Variants in FANCL observed in about 807,000 individuals in gnomAD.
FANCL encodes FA complementation group L, also known as E3 ubiquitin-protein ligase FANCL.
FANCL carries 69 observed loss-of-function variants against 59.4 expected under a neutral mutation model. The ratio of observed to expected loss-of-function variants is 1.16; its 90% confidence interval spans 0.96 to 1.42. The LOEUF is 1.42. Ranked by LOEUF, FANCL falls within the 40% of genes most tolerant of loss-of-function variation. The probability of loss-of-function intolerance (pLI) is 0.00; values close to 1 mark genes in which losing one functional copy is unlikely to be tolerated. For missense variants in FANCL, 519 were observed against 447.2 expected (o/e 1.16, Z -1.45); for synonymous variants, 180 against 147.1 (o/e 1.22, Z -1.62).
chr2:58,205,972 C>A (rs922840783), intron 5 of FANCL, among the ~76,000 whole-genome samples: 6 of 152,040 alleles, frequency 3.9e-5, no homozygotes, highest in Non-Finnish European at 7.4e-5. Flanking sequence ...TTACTAGTTA[C>A]AATTTTTAGA....
chr2:58,204,217 A>G lies in FANCL; in HGVS notation c.384T>C (p.Tyr128=), dbSNP rs1245585990. The G allele has an allele frequency of 2.5e-6, 4 of 1,612,928 alleles. No homozygotes were observed. The highest frequency in any genetic ancestry group is 1.3e-5 in the African/African-American group (1 of 75,012). ...TGATGGTACTGAAGCAGGTATCCGC[A>G]TACACAAGTCTGGTGAGCAGAGGAG... ...IGTLGWDKLV[Y]ADTCFSTIKL... The change falls in exon 6 of 14, where the codon TAT becomes TAC. Residue 128 remains tyrosine, a synonymous_variant. Transcript: ENST00000233741.
At chr2:58,184,605 T>C (rs1288063730) in intron 7 of FANCL, among the ~76,000 whole-genome samples, 1 of 151,926 alleles carries the variant, frequency 6.6e-6, no homozygotes, top group East Asian at 1.9e-4. Flanking sequence ...TGAATAAAAA[T>C]ATAAGAGAAA....
chr2:58,203,971 G>A (rs1431490529), intron 6 of FANCL, among the ~76,000 whole-genome samples, 159 bp downstream of exon 6: 2 of 152,070 alleles, frequency 1.3e-5, no homozygotes, highest in African/African-American at 4.8e-5. Context: ...TTTTGGAAAC[G>A]TGGTGAATAA....
chr2:58,207,646 C>T (rs562616425), intron 5 of FANCL, among the ~76,000 whole-genome samples: 2 of 151,982 alleles, frequency 1.3e-5, no homozygotes, highest in Non-Finnish European at 2.9e-5. Context: ...CTAATAGAGA[C>T]TATTTGTATC....
chr2:58,220,647 T>C (rs1692382362), intron 5 of FANCL, among the ~76,000 whole-genome samples: 1 of 152,240 alleles, frequency 6.6e-6, no homozygotes, highest in African/African-American at 2.4e-5. Context: ...ACATATATTC[T>C]GCACTTAAGA....
rs1426645215 is a variant in FANCL at position 58,173,665 on chromosome 2, C to A, written c.541-7791G>T. ...TAAACATGGAAAGGAACAACCGGTA[C>A]CAGCCGCTGCAAAATCATGCCAAAT... On this transcript the variant is annotated intron_variant, in intron 7 of 13. Coordinates refer to ENST00000233741, the MANE Select transcript of FANCL (RefSeq NM_018062.4). 2.0e-5 allele frequency among the ~76,000 whole-genome samples: 3 copies of A among 152,126 alleles called. No individual in the cohort carries two copies. In the East Asian group the frequency reaches 5.8e-4, roughly 29 times the overall value.
chr2:58,170,927 G>A (rs1686537805), intron 7 of FANCL, among the ~76,000 whole-genome samples: 1 of 152,084 alleles, frequency 6.6e-6, no homozygotes, highest in South Asian at 2.1e-4. Context: ...ATAATAGTGG[G>A]AGACTGTAAC....
chr2:58,166,716 A>ATAAC (rs2104825572), intron 7 of FANCL, among the ~76,000 whole-genome samples: 1 of 152,368 alleles, frequency 6.6e-6, no homozygotes, highest in East Asian at 1.9e-4. Context: ...TCAATCTGAA[A>ATAAC]TAACTGGCCA....
At chr2:58,173,007 C>T (rs1004777873) in intron 7 of FANCL, among the ~76,000 whole-genome samples, 2 of 152,090 alleles carry the variant, frequency 1.3e-5, no homozygotes, top group East Asian at 1.9e-4. Context: ...CCTCAGGAGC[C>T]GATGCGATCA....
intron 1 of FANCL, among the ~76,000 whole-genome samples, chr2:58,234,137 C>T (rs1235895531): frequency 6.6e-6 from 1 of 151,768 alleles, no homozygotes; most frequent in Non-Finnish European, 1.5e-5. Flanking sequence ...TACTATGAGA[C>T]AAAGAAACAA....
chr2:58,221,874 A>C (rs1305973712), intron 5 of FANCL, 68 bp downstream of exon 5: 1 of 1,147,940 alleles, frequency 8.7e-7, no homozygotes, highest in Non-Finnish European at 1.3e-6. Context: ...AACTGCTAAA[A>C]CTAGAAATAC....
intron 7 of FANCL, among the ~76,000 whole-genome samples, chr2:58,177,516 T>C (rs1460722893): frequency 2.0e-5 from 3 of 150,716 alleles, no homozygotes; most frequent in Non-Finnish European, 4.4e-5. Context: ...TCATTCTCAG[T>C]AAACTATCGC....
chr2:58,235,239 G>A (rs1693909169), intron 1 of FANCL, among the ~76,000 whole-genome samples: 1 of 152,020 alleles, frequency 6.6e-6, no homozygotes, highest in African/African-American at 2.4e-5. Flanking sequence ...GTCTTCAGCT[G>A]AGTACTGCTT....
chr2:58,197,922 C>G (rs928166734), intron 7 of FANCL, among the ~76,000 whole-genome samples: 1 of 152,138 alleles, frequency 6.6e-6, no homozygotes, highest in African/African-American at 2.4e-5. Flanking sequence ...TTACCATTCA[C>G]TGCTTTCTAC....
chr2:58,231,746 T>G (rs546070581), intron 2 of FANCL, among the ~76,000 whole-genome samples: 1 of 152,328 alleles, frequency 6.6e-6, no homozygotes, highest in East Asian at 1.9e-4. Flanking sequence ...GAAAAAAAGT[T>G]TTCTAATCCT....
At chr2:58,164,704 C>T (rs1221674342) in intron 8 of FANCL, among the ~76,000 whole-genome samples, 1 of 151,750 alleles carries the variant, frequency 6.6e-6, no homozygotes, top group Non-Finnish European at 1.5e-5. Context: ...TTTAATGGGG[C>T]CACGAAAATA....
intron 7 of FANCL, among the ~76,000 whole-genome samples, chr2:58,173,395 G>A (rs1256231116): frequency 6.6e-6 from 1 of 152,118 alleles, no homozygotes; most frequent in Non-Finnish European, 1.5e-5. Flanking sequence ...AGAAAGGTCG[G>A]GTTACCCACA....
chr2:58,180,558 G>C (rs1011167744), intron 7 of FANCL, among the ~76,000 whole-genome samples: 3 of 152,028 alleles, frequency 2.0e-5, no homozygotes, highest in Non-Finnish European at 4.4e-5. Context: ...GGCCTGTCGG[G>C]GGGTGGGGGA....
In FANCL at chr2:58,198,646, G is replaced by A; in HGVS notation, c.488C>T (p.Pro163Leu). ...KLKAKYPAES[P>L]DYFVDFPVPF... Reference sequence around the variant, plus strand: ...AACAGGAAAATCCACAAAATAATCTGGTGATTCTGCAGGATACTATTAAAA... The same window carrying A: ...AACAGGAAAATCCACAAAATAATCTAGTGATTCTGCAGGATACTATTAAAA... The change falls in exon 7 of 14, where the codon CCA becomes CTA. Residue 163 changes from proline to leucine, a missense_variant. Pro to Leu is a moderately conservative substitution (Grantham distance 98). Coordinates refer to ENST00000233741, the MANE Select transcript of FANCL (RefSeq NM_018062.4). The A allele has an allele frequency of 6.2e-7, 1 of 1,613,596 alleles. No individual in the cohort carries two copies. Among genetic ancestry groups the A allele is most frequent in the Non-Finnish European group, 8.5e-7 (1 of 1,179,596 alleles).
Sources: allele counts gnomAD v4.1 joint callset (sites outside exome capture counted in the v4.1 genomes callset), GRCh38; gene constraint gnomAD v4.1.1; transcripts MANE v1.5; gene names NCBI Gene and HGNC (gene_info 2026-07-23, HGNC 2026-07-21).